Variants in PCDHA13 observed in about 807,000 individuals in gnomAD.
The protein encoded by PCDHA13 is protocadherin alpha-13.
In PCDHA13, 54 loss-of-function variants were observed where a neutral mutation model predicts 64.8. The ratio of observed to expected loss-of-function variants is 0.83; its 90% CI spans 0.67 to 1.04. The LOEUF is 1.04. Among genes scored for constraint, PCDHA13 ranks in the 50% least tolerant of loss-of-function variants. PCDHA13 has a pLI of 0.00. For synonymous variants in PCDHA13, 587 were observed against 564.4 expected, an observed-to-expected ratio of 1.04 and a Z score of -0.57; for missense variants, 1,248 against 1,254.3, an observed-to-expected ratio of 0.99 and a Z score of 0.08.
At chr5:140,980,584 C>T (rs1447001293) in intron 2 of PCDHA13, among the ~76,000 whole-genome samples, 3 of 151,934 alleles carry the variant, frequency 2.0e-5, no homozygotes, top group Non-Finnish European at 4.4e-5. Context: ...GAGCCAAGAT[C>T]GAGCCACTGC....
Position 140,882,379 on chromosome 5 carries a change from G to A in PCDHA13, c.111G>A (p.Glu37=), listed in dbSNP as rs782537158. The A allele has an allele frequency of 1.9e-6, 3 of 1,614,230 alleles. No homozygotes were observed. Among genetic ancestry groups the A allele is most frequent in the South Asian group, 1.1e-5 (1 of 91,086 alleles). The change falls in exon 1 of 4, where the codon GAG becomes GAA. Residue 37 remains glutamate, a synonymous_variant. Transcript: ENST00000289272. ...GCCAGCTCCACTACTCCGTCCCCGAGGAAGCAAAACACGGCACCTTCGTGG... is the reference window on the plus strand; with the variant it reads ...GCCAGCTCCACTACTCCGTCCCCGAAGAAGCAAAACACGGCACCTTCGTGG... The part of the protein sequence containing the change: ...GSGQLHYSVP[E]EAKHGTFVGR...
Position 140,884,213 on chromosome 5 carries a change from G to C in PCDHA13, c.1945G>C (p.Val649Leu). 6.2e-7 allele frequency: 1 copy of C among 1,613,532 alleles called. No individual in the cohort carries two copies. Among genetic ancestry groups the C allele is most frequent in the East Asian group, 2.2e-5 (1 of 44,852 alleles). ...EVDAPHHRLLVLVKDHGEPAL... is the reference protein window; with the variant it reads ...EVDAPHHRLLLLVKDHGEPAL... ...GGACGCGCCGCACCACCGCCTTCTG[G>C]TGCTGGTGAAGGACCACGGTGAGCC... The change falls in exon 1 of 4, where the codon GTG becomes CTG. Residue 649 changes from valine (V) to leucine (L), a missense_variant. Physicochemically the swap from Val to Leu is conservative, Grantham distance 32 (BLOSUM62 1). Transcript: ENST00000289272.
intron 1 of PCDHA13, among the ~76,000 whole-genome samples, chr5:140,893,236 T>C (rs1554185562): frequency 6.6e-6 from 1 of 152,236 alleles, no homozygotes. Flanking sequence ...TTTGACATAC[T>C]GGTTTCCTTT....
chr5:140,990,984 A>G (rs1213067851), intron 3 of PCDHA13, among the ~76,000 whole-genome samples: 4 of 152,200 alleles, frequency 2.6e-5, no homozygotes, highest in Admixed American at 6.5e-5. Context: ...AAGGAAGACA[A>G]TAGCTACCAT....
chr5:140,927,953 C>T (rs782230690), intron 1 of PCDHA13: 48 of 1,614,090 alleles, frequency 3.0e-5, no homozygotes, highest in Non-Finnish European at 2.1e-5. Flanking sequence ...GAGGACGCTG[C>T]CCCTGGCACA....
At chr5:140,962,174 C>T (rs1365738124) in intron 1 of PCDHA13, among the ~76,000 whole-genome samples, 1 of 152,100 alleles carries the variant, frequency 6.6e-6, no homozygotes, top group Admixed American at 6.6e-5. Context: ...CACACCCGGC[C>T]ACTTATATCA....
intron 1 of PCDHA13, chr5:140,969,571 G>A: frequency 9.5e-7 from 1 of 1,050,970 alleles, no homozygotes; most frequent in Non-Finnish European, 1.3e-6. Context: ...AATTGTTTGA[G>A]AAGTGAGGAT....
Position 140,884,200 on chromosome 5 carries a change from C to T in PCDHA13, c.1932C>T (p.His644=), listed in dbSNP as rs2060048327. 2.5e-6 allele frequency: 4 copies of T among 1,613,458 alleles called. No individual in the cohort carries two copies. The Admixed American group carries it at 5.0e-5, about 20-fold the overall frequency. Reference sequence around the variant, plus strand: ...CTCTGGACGAGGTGGACGCGCCGCACCACCGCCTTCTGGTGCTGGTGAAGG... The same window carrying T: ...CTCTGGACGAGGTGGACGCGCCGCATCACCGCCTTCTGGTGCTGGTGAAGG... The part of the protein sequence containing the change: ...TRPLDEVDAP[H]HRLLVLVKDH... The change falls in exon 1 of 4, where the codon CAC becomes CAT. Residue 644 remains histidine (H), a synonymous_variant. Transcript: ENST00000289272.
chr5:140,941,224 T>TTTCTTTCTTTCTTTCTTTCTTTCC (rs2092912857), intron 1 of PCDHA13, among the ~76,000 whole-genome samples: 1 of 137,372 alleles, frequency 7.3e-6, no homozygotes, highest in Non-Finnish European at 1.6e-5. Context: ...CCTTTCTTTC[T>TTTCTTTCTTTCTTTCTTTCTTTCC]TTCTTTCTTT....
intron 1 of PCDHA13, among the ~76,000 whole-genome samples, chr5:140,940,102 T>C (rs1372400488): frequency 2.0e-5 from 3 of 152,228 alleles, no homozygotes; most frequent in African/African-American, 7.2e-5. Context: ...ACTTTTAGCG[T>C]TATGTATTAT....
In PCDHA13 at chr5:140,900,434, C is replaced by T. The variant is rs545919996; in HGVS notation, c.2394+15772C>T. On this transcript the variant is annotated intron_variant, in intron 1 of 3. Transcript: ENST00000289272. Reference sequence around the variant, plus strand: ...CTGGGATTATAGGCACGTGCCACCACGGCCGGCTAATTTTTTATTTTTAGT... The same window carrying T: ...CTGGGATTATAGGCACGTGCCACCATGGCCGGCTAATTTTTTATTTTTAGT... Among the ~76,000 whole-genome samples, 18 of 152,264 alleles carry T rather than the reference C, an allele frequency of 1.2e-4. No individual in the cohort carries two copies. The East Asian group carries it at 2.5e-3, about 21-fold the overall frequency.
intron 3 of PCDHA13, among the ~76,000 whole-genome samples, chr5:141,006,369 G>A (rs2098270445): frequency 1.3e-5 from 2 of 151,784 alleles, no homozygotes; most frequent in Admixed American, 6.6e-5. Context: ...CCACCACCAC[G>A]CCCGGCTAAG....
At chr5:140,920,889 T>G (rs1488579126) in intron 1 of PCDHA13, among the ~76,000 whole-genome samples, 2 of 150,044 alleles carry the variant, frequency 1.3e-5, no homozygotes, top group African/African-American at 4.9e-5. Context: ...GAACTTAAAG[T>G]CATATTTTGG....
Position 141,009,910 on chromosome 5 carries a change from C to G in PCDHA13, c.2826C>G (p.Asn942Lys), listed in dbSNP as rs1554262551. ...CCCAGGAGAAAAAAGAGAAAGGGAA[C>G]AGCACGACTGACAACAGTGACCAGT... The part of the protein sequence containing the change: ...NKTQEKKEKG[N>K]STTDNSDQ Residue 942 changes from asparagine to lysine, a missense_variant, in exon 4 of 4, where the codon AAC (asparagine) becomes AAG (lysine). Physicochemically the swap from Asn to Lys is moderately conservative, Grantham distance 94 (BLOSUM62 0). Transcript: ENST00000289272. 28 of 1,612,616 alleles carry G rather than the reference C, an allele frequency of 1.7e-5. No homozygotes were observed. Among genetic ancestry groups the G allele is most frequent in the African/African-American group, 5.4e-5 (4 of 74,736 alleles).
intron 1 of PCDHA13, among the ~76,000 whole-genome samples, chr5:140,937,400 T>A (rs1210509586): frequency 6.6e-6 from 1 of 152,224 alleles, no homozygotes; most frequent in Non-Finnish European, 1.5e-5. Flanking sequence ...ATAGGGGTAT[T>A]GCACAACTTT....
chr5:140,928,690 A>AT lies in PCDHA13; in HGVS notation c.2394+44029dup, dbSNP rs2085447249. On this transcript the variant is annotated intron_variant, in intron 1 of 3. Transcript: ENST00000289272. ...TTCTAATGCCTGGCTTTCCTACCAC[A>AT]TCTCCCGGGCGTCTGACTCTAGTCT... 6 of 1,614,180 alleles carry AT rather than the reference A, an allele frequency of 3.7e-6. No homozygotes were observed. The African/African-American group carries it at 4.0e-5, about 11-fold the overall frequency.
At chr5:140,967,099 T>G in intron 1 of PCDHA13, 1 of 1,613,074 alleles carries the variant, frequency 6.2e-7, no homozygotes, top group Non-Finnish European at 8.5e-7. Context: ...AGGCGCTGTG[T>G]GAGCAGCGGC....
At chr5:141,000,410 TA>T (rs2097918693) in intron 3 of PCDHA13, among the ~76,000 whole-genome samples, 2 of 101,940 alleles carry the variant, frequency 2.0e-5, no homozygotes, top group African/African-American at 7.8e-5. Flanking sequence ...TATATATATA[TA>T]TATATATATA....
intron 1 of PCDHA13, chr5:140,926,922 T>A: frequency 6.4e-7 from 1 of 1,570,576 alleles, no homozygotes; most frequent in Non-Finnish European, 8.7e-7. Flanking sequence ...CAGTTTTATG[T>A]TTGTGGGTTT....
Sources: allele counts gnomAD v4.1 joint callset (sites outside exome capture counted in the v4.1 genomes callset), GRCh38; gene constraint gnomAD v4.1.1; transcripts MANE v1.5; gene names NCBI Gene and HGNC (gene_info 2026-07-23, HGNC 2026-07-21).